The following SNAP91 variants were observed in gnomAD, a reference collection of about 807,000 sequenced individuals.
The protein encoded by SNAP91 is clathrin coat assembly protein AP180.
In SNAP91, 27 loss-of-function variants were observed where a neutral mutation model predicts 100.3. The observed-to-expected ratio is 0.27, with a 90% CI of 0.20 to 0.37. The LOEUF (loss-of-function observed/expected upper bound fraction) is 0.37, where lower values mean the gene tolerates loss of function less well. Ranked by LOEUF, SNAP91 falls within the 10% of genes least tolerant of loss-of-function variation. SNAP91 has a pLI of 1.00. For missense variants in SNAP91, 986 were observed against 1,123.7 expected, an observed-to-expected ratio of 0.88 and a Z score of 1.75; for synonymous variants, 404 against 398.6, an observed-to-expected ratio of 1.01 and a Z score of -0.16.
At chr6:83,596,261 A>G (rs2094460193) in intron 16 of SNAP91, among the ~76,000 whole-genome samples, 1 of 152,194 alleles carries the variant, frequency 6.6e-6, no homozygotes, top group Admixed American at 6.5e-5. Context: ...GAGAGGCCAA[A>G]TAAATAAAAC....
At chr6:83,637,161 A>T (rs868152212) in intron 8 of SNAP91, among the ~76,000 whole-genome samples, 6 of 152,182 alleles carry the variant, frequency 3.9e-5, no homozygotes, top group Non-Finnish European at 7.4e-5. Context: ...GGGCCAAGAG[A>T]TAAGTCTCAG....
chr6:83,566,378 T>G (rs1199534295), intron 26 of SNAP91, among the ~76,000 whole-genome samples: 1 of 152,180 alleles, frequency 6.6e-6, no homozygotes, highest in Non-Finnish European at 1.5e-5. Context: ...AATAAAAATT[T>G]TTTCAAAAGA....
chr6:83,700,838 T>A (rs1052219731), intron 2 of SNAP91, among the ~76,000 whole-genome samples: 1 of 152,106 alleles, frequency 6.6e-6, no homozygotes, highest in African/African-American at 2.4e-5. Flanking sequence ...GCTAAACTGA[T>A]CCTCCTGCCT....
chr6:83,570,609 G>A (rs1805513054), intron 26 of SNAP91, among the ~76,000 whole-genome samples: 1 of 152,030 alleles, frequency 6.6e-6, no homozygotes, highest in South Asian at 2.1e-4. Context: ...GCTGTGTGCA[G>A]TCTAGGGACC....
intron 2 of SNAP91, among the ~76,000 whole-genome samples, chr6:83,682,532 T>G (rs1025937398): frequency 9.9e-5 from 15 of 151,968 alleles, no homozygotes; most frequent in Non-Finnish European, 2.1e-4. Flanking sequence ...TTATTCTTTC[T>G]ATTATACCCT....
At chr6:83,703,183 A>G (rs1422548100) in intron 2 of SNAP91, among the ~76,000 whole-genome samples, 1 of 149,438 alleles carries the variant, frequency 6.7e-6, no homozygotes, top group Non-Finnish European at 1.5e-5. Flanking sequence ...TTAAACTAAT[A>G]GTTAAATGAA....
chr6:83,574,070 C>A (rs1282084536), intron 26 of SNAP91, among the ~76,000 whole-genome samples: 1 of 152,064 alleles, frequency 6.6e-6, no homozygotes, highest in African/African-American at 2.4e-5. Context: ...TTACTTCTTG[C>A]ATGTTTGTTT....
At chr6:83,617,337 A>G (rs1280183106) in intron 9 of SNAP91, among the ~76,000 whole-genome samples, 1 of 152,032 alleles carries the variant, frequency 6.6e-6, no homozygotes, top group Non-Finnish European at 1.5e-5. Context: ...GTAAACTCAA[A>G]TCAAGTTCAC....
At chr6:83,700,596 G>C (rs2129046624) in intron 2 of SNAP91, among the ~76,000 whole-genome samples, 1 of 151,582 alleles carries the variant, frequency 6.6e-6, no homozygotes, top group East Asian at 2.0e-4. Context: ...GACAACTAAA[G>C]AAAGAGATTT....
intron 7 of SNAP91, among the ~76,000 whole-genome samples, chr6:83,647,410 T>C (rs1169540159): frequency 6.6e-6 from 1 of 152,206 alleles, no homozygotes; most frequent in African/African-American, 2.4e-5. Context: ...TGAATGGGTG[T>C]TGGATTTCAT....
At chr6:83,617,606 ATATT>A (rs2096551910) in intron 9 of SNAP91, among the ~76,000 whole-genome samples, 2 of 151,498 alleles carry the variant, frequency 1.3e-5, no homozygotes, top group African/African-American at 4.8e-5. Context: ...ATATAAAAAT[ATATT>A]TATATGTATA....
intron 7 of SNAP91, among the ~76,000 whole-genome samples, chr6:83,647,738 A>G (rs1298285676): frequency 6.6e-6 from 1 of 152,134 alleles, no homozygotes; most frequent in Non-Finnish European, 1.5e-5. Flanking sequence ...GTGTCTTGAC[A>G]GTTATATGCA....
chr6:83,663,338 A>C (rs2098600406), intron 3 of SNAP91, among the ~76,000 whole-genome samples: 1 of 152,158 alleles, frequency 6.6e-6, no homozygotes, highest in African/African-American at 2.4e-5. Context: ...GCATGTCGAA[A>C]GCTGAGAAAG....
intron 2 of SNAP91, 119 bp from the exon 3 acceptor site, chr6:83,665,700 G>T: frequency 1.3e-6 from 1 of 791,588 alleles, no homozygotes; most frequent in Non-Finnish European, 1.9e-6. Context: ...TTTGATAATA[G>T]CTGATAACAA....
intron 2 of SNAP91, among the ~76,000 whole-genome samples, chr6:83,687,470 T>C (rs1022188325): frequency 2.0e-5 from 3 of 152,178 alleles, no homozygotes; most frequent in African/African-American, 7.2e-5. Flanking sequence ...ATTAATAATA[T>C]GATTTTCTTT....
chr6:83,621,011 TAATTTAAA>T, intron 9 of SNAP91, among the ~76,000 whole-genome samples: 1 of 151,668 alleles, frequency 6.6e-6, no homozygotes, highest in Non-Finnish European at 1.5e-5. Context: ...CCTGAACAGG[TAATTTAAA>T]AATAAATATT....
chr6:83,569,395 T>C (rs1346097499), intron 26 of SNAP91, among the ~76,000 whole-genome samples: 1 of 152,224 alleles, frequency 6.6e-6, no homozygotes, highest in Non-Finnish European at 1.5e-5. Context: ...AATCTCAGTC[T>C]GTGAAAGTGC....
chr6:83,590,157 T>C (rs1253184976), intron 22 of SNAP91, among the ~76,000 whole-genome samples: 2 of 152,128 alleles, frequency 1.3e-5, no homozygotes, highest in African/African-American at 4.8e-5. Flanking sequence ...GACTGAGTCC[T>C]CTGTGAAACT....
intron 2 of SNAP91, among the ~76,000 whole-genome samples, chr6:83,700,286 A>G (rs2099274760): frequency 6.6e-6 from 1 of 152,156 alleles, no homozygotes; most frequent in Admixed American, 6.5e-5. Flanking sequence ...AGTTGGAATT[A>G]AAGGAAAAAC....
Sources: allele counts gnomAD v4.1 joint callset (sites outside exome capture counted in the v4.1 genomes callset), GRCh38; gene constraint gnomAD v4.1.1; transcripts MANE v1.5; gene names NCBI Gene and HGNC (gene_info 2026-07-23, HGNC 2026-07-21).